Variants in SPAM1 observed in about 807,000 individuals in gnomAD.
The protein encoded by SPAM1 is sperm adhesion molecule 1.
In SPAM1, 22 loss-of-function variants were observed where a neutral mutation model predicts 29.6. The observed-to-expected ratio is 0.74, with a 90% confidence interval of 0.53 to 1.06. SPAM1 has a LOEUF of 1.06. Ranked by LOEUF, SPAM1 falls within the 50% of genes least tolerant of loss-of-function variation. SPAM1 has a pLI of 0.00. For synonymous variants in SPAM1, 194 were observed against 204.6 expected (o/e 0.95, Z 0.44); for missense variants, 534 against 604.0 (o/e 0.88, Z 1.21).
chr7:123,932,954 A>G (rs1267202901), intron 1 of SPAM1, among the ~76,000 whole-genome samples: 1 of 152,104 alleles, frequency 6.6e-6, no homozygotes, highest in African/African-American at 2.4e-5. Context: ...ACCTTCCTCT[A>G]CTTCCTGAAG....
At position 123,959,850 on chromosome 7, in the gene SPAM1, C is replaced by G. The variant is rs1792331404; in HGVS notation, c.1411C>G (p.Pro471Ala). 1.2e-6 allele frequency: 2 copies of G among 1,613,130 alleles called. No homozygotes were observed. The highest frequency in any genetic ancestry group is 1.7e-6 in the Non-Finnish European group (2 of 1,179,506). The change falls in exon 5 of 5, where the codon CCT becomes GCT. Residue 471 changes from proline to alanine, a missense_variant. Coordinates refer to ENST00000682466, the MANE Select transcript of SPAM1 (RefSeq NM_153189.3). Reference protein sequence around the residue: ...DGVCIDAFLKPPMETEEPQIF... With the variant: ...DGVCIDAFLKAPMETEEPQIF... ...TGTCTGTATAGATGCTTTTCTAAAA[C>G]CTCCCATGGAGACAGAAGAACCTCA... is the stretch of plus-strand genomic sequence containing the variant.
In SPAM1 at chr7:123,953,803, G is replaced by GC. The variant is rs1252394854; in HGVS notation, c.238dup (p.Arg80ProfsTer15). 1 of 1,612,254 alleles carries GC rather than the reference G, an allele frequency of 6.2e-7. No individual in the cohort carries two copies. The highest frequency in any genetic ancestry group is 8.5e-7 in the Non-Finnish European group (1 of 1,179,368). Reference sequence around the variant, plus strand: ...ATGAGCCTCTTCTCTTTCATAGGAAGCCCCCGAATAAACGCCACCGGGCAA... The same window carrying GC: ...ATGAGCCTCTTCTCTTTCATAGGAAGCCCCCCGAATAAACGCCACCGGGCAA... On this transcript the variant is annotated frameshift_variant, in exon 3 of 5. Coordinates refer to ENST00000682466, the MANE Select transcript of SPAM1 (RefSeq NM_153189.3). LOFTEE classifies it high-confidence loss of function.
At chr7:123,948,925 G>A (rs1808676717) in intron 1 of SPAM1, among the ~76,000 whole-genome samples, 4 of 150,538 alleles carry the variant, frequency 2.7e-5, no homozygotes, top group South Asian at 2.1e-4. Flanking sequence ...GAAATAAAGC[G>A]TTTGTTGTGG....
chr7:123,929,895 A>ATTTTTT (rs71163712), intron 1 of SPAM1, among the ~76,000 whole-genome samples: 1 of 119,812 alleles, frequency 8.3e-6, no homozygotes, highest in Non-Finnish European at 1.7e-5. Flanking sequence ...GTGTTTAGGG[A>ATTTTTT]TTTTTTTTTT....
chr7:123,930,119 C>A (rs953182354), intron 1 of SPAM1, among the ~76,000 whole-genome samples: 1 of 152,012 alleles, frequency 6.6e-6, no homozygotes, highest in African/African-American at 2.4e-5. Context: ...GATTTCTATT[C>A]TTAATCTTGA....
chr7:123,961,414 G>A (rs138395610), downstream of SPAM1, among the ~76,000 whole-genome samples: 5 of 152,002 alleles, frequency 3.3e-5, no homozygotes, highest in African/African-American at 1.2e-4. Context: ...GAGAACATGA[G>A]ATGCTTGTCT....
chr7:123,940,966 G>C (rs1215893545), intron 1 of SPAM1, among the ~76,000 whole-genome samples: 1 of 152,024 alleles, frequency 6.6e-6, no homozygotes, highest in Non-Finnish European at 1.5e-5. Flanking sequence ...TGATTTTCTA[G>C]TCTCTTACAT....
intron 4 of SPAM1, among the ~76,000 whole-genome samples, chr7:123,957,397 A>C (rs1792271695): frequency 6.6e-6 from 1 of 151,998 alleles, no homozygotes; most frequent in Non-Finnish European, 1.5e-5. Context: ...CTAGTGAAAT[A>C]GCTACTATAT....
intron 1 of SPAM1, among the ~76,000 whole-genome samples, chr7:123,928,137 A>G (rs2117013659): frequency 6.6e-6 from 1 of 152,312 alleles, no homozygotes; most frequent in East Asian, 1.9e-4. Context: ...AAACCCTGCT[A>G]TAAAATAGTT....
chr7:123,949,773 A>G (rs917006349), intron 1 of SPAM1, 99 bp from the exon 2 acceptor site: 1 of 152,154 alleles, frequency 6.6e-6, no homozygotes, highest in Non-Finnish European at 1.5e-5. Flanking sequence ...AAACGCCTTT[A>G]CAACAGGAAT....
chr7:123,957,831 A>C (rs1215881698), intron 4 of SPAM1, among the ~76,000 whole-genome samples: 1 of 151,996 alleles, frequency 6.6e-6, no homozygotes, highest in Non-Finnish European at 1.5e-5. Context: ...AGGCCAGTAC[A>C]TTCCTTAGCT....
At chr7:123,932,979 C>A (rs144856302) in intron 1 of SPAM1, among the ~76,000 whole-genome samples, 63 of 151,876 alleles carry the variant, frequency 4.1e-4, no homozygotes, top group African/African-American at 1.4e-3. Context: ...GTGGCTGAGG[C>A]TCATGAATTG....
Position 123,953,527 on chromosome 7 carries a change from T to G in SPAM1, c.-44T>G. 1 of 1,304,346 alleles carries G rather than the reference T, an allele frequency of 7.7e-7. No homozygotes were observed. The highest frequency in any genetic ancestry group is 2.3e-5 in the East Asian group (1 of 42,660). 80.8% of individuals were successfully genotyped at this position (1,304,346 alleles called of 1,614,324 possible). On this transcript the variant is annotated 5_prime_UTR_variant, in exon 3 of 5. Coordinates refer to ENST00000682466, the MANE Select transcript of SPAM1 (RefSeq NM_153189.3). Reference sequence around the variant, plus strand: ...GCATCAGATATTGGGTAAACCAAAGTGTGTAGGAAGAAATAAATGTTTTCA... The same window carrying G: ...GCATCAGATATTGGGTAAACCAAAGGGTGTAGGAAGAAATAAATGTTTTCA...
At chr7:123,951,099 T>C (rs1228003152) in intron 2 of SPAM1, among the ~76,000 whole-genome samples, 1 of 152,138 alleles carries the variant, frequency 6.6e-6, no homozygotes, top group Non-Finnish European at 1.5e-5. Flanking sequence ...CACTTTTTAA[T>C]TGGGTTGTTT....
At chr7:123,952,802 A>C (rs571909094) in intron 2 of SPAM1, among the ~76,000 whole-genome samples, 1 of 151,858 alleles carries the variant, frequency 6.6e-6, no homozygotes, top group Non-Finnish European at 1.5e-5. Context: ...GGAGCCTTTC[A>C]GCTTGTTTGG....
intron 1 of SPAM1, among the ~76,000 whole-genome samples, chr7:123,936,072 A>T (rs2117027849): frequency 6.6e-6 from 1 of 152,358 alleles, no homozygotes; most frequent in Middle Eastern, 3.4e-3. Context: ...TTGTGCTTAA[A>T]ATGAATTGGA....
chr7:123,951,524 A>C (rs1267349254), intron 2 of SPAM1, among the ~76,000 whole-genome samples: 2 of 152,158 alleles, frequency 1.3e-5, no homozygotes, highest in Non-Finnish European at 2.9e-5. Flanking sequence ...TATTTCATTG[A>C]GTAAAATTTC....
At position 123,959,443 on chromosome 7, in the gene SPAM1, T is replaced by C. The variant is rs764037884; in HGVS notation, c.1045-41T>C. ...TAAATTAATTCGCATTTGAACTAACTTGTCCTTTGATATTCTGACTGTCTT... is the reference window on the plus strand; with the variant it reads ...TAAATTAATTCGCATTTGAACTAACCTGTCCTTTGATATTCTGACTGTCTT... On this transcript the variant is annotated intron_variant, in intron 4 of 4. Transcript: ENST00000682466. 4.9e-6 allele frequency: 7 copies of C among 1,420,138 alleles called. No individual in the cohort carries two copies. In the African/African-American group the frequency reaches 1.0e-4, roughly 20 times the overall value. The allele number at this position is 1,420,138 out of a possible 1,614,324, so 88.0% of individuals were successfully genotyped here. A position where few individuals can be genotyped will look rare whatever the true frequency, so the allele number is the denominator to read the frequency against.
At chr7:123,945,241 CT>C (rs1808541762) in intron 1 of SPAM1, among the ~76,000 whole-genome samples, 1 of 151,956 alleles carries the variant, frequency 6.6e-6, no homozygotes, top group South Asian at 2.1e-4. Flanking sequence ...TATACATAAC[CT>C]TTAAAAAAGT....
Sources: allele counts gnomAD v4.1 joint callset (sites outside exome capture counted in the v4.1 genomes callset), GRCh38; gene constraint gnomAD v4.1.1; transcripts MANE v1.5; gene names NCBI Gene and HGNC (gene_info 2026-07-23, HGNC 2026-07-21).